SIL1: variants seen among roughly 807,000 people sequenced by gnomAD.
The protein encoded by SIL1 is SIL1 nucleotide exchange factor, also known as nucleotide exchange factor SIL1.
A neutral mutation model predicts 49.1 loss-of-function variants in SIL1; 40 were observed. The ratio of observed to expected loss-of-function variants is 0.81; its 90% CI spans 0.63 to 1.06. SIL1 has a LOEUF of 1.06. Ranked by LOEUF, SIL1 falls within the 50% of genes least tolerant of loss-of-function variation. SIL1 has a pLI of 0.00. For missense variants in SIL1, 500 were observed against 572.6 expected, an observed-to-expected ratio of 0.87 and a Z score of 1.29; for synonymous variants, 253 against 250.8, an observed-to-expected ratio of 1.01 and a Z score of -0.08.
intron 3 of SIL1, among the ~76,000 whole-genome samples, chr5:139,070,696 T>C (rs527741752): frequency 2.0e-5 from 3 of 152,052 alleles, no homozygotes; most frequent in African/African-American, 4.8e-5. Context: ...ATAATTACAA[T>C]GAATTAAAGC....
At chr5:139,112,863 A>G (rs1397829175) in intron 3 of SIL1, among the ~76,000 whole-genome samples, 4 of 152,114 alleles carry the variant, frequency 2.6e-5, no homozygotes, top group Non-Finnish European at 5.9e-5. Context: ...GAAAAGGGGG[A>G]AATGTGGGGA....
chr5:139,191,464 G>T (rs1252868014), intron 1 of SIL1, among the ~76,000 whole-genome samples: 1 of 151,992 alleles, frequency 6.6e-6, no homozygotes, highest in Non-Finnish European at 1.5e-5. Context: ...ATCCCCAGAG[G>T]TAAAGAAATG....
intron 3 of SIL1, among the ~76,000 whole-genome samples, chr5:139,110,288 C>T (rs112148950): frequency 4.6e-5 from 7 of 151,882 alleles, no homozygotes; most frequent in African/African-American, 1.7e-4. Flanking sequence ...GAGCAGGGGT[C>T]GTTTCTTTTT....
chr5:138,954,918 C>T (rs13180851), intron 7 of SIL1, among the ~76,000 whole-genome samples: 3 of 152,122 alleles, frequency 2.0e-5, no homozygotes, highest in Admixed American at 2.0e-4. Flanking sequence ...AAATGCCACA[C>T]TGCTAGCCAA....
intron 1 of SIL1, among the ~76,000 whole-genome samples, chr5:139,176,288 C>T (rs1302703956): frequency 6.6e-6 from 1 of 152,180 alleles, no homozygotes; most frequent in African/African-American, 2.4e-5. Context: ...ATCAAGACCA[C>T]TTAGATAATC....
intron 1 of SIL1, among the ~76,000 whole-genome samples, chr5:139,173,328 T>C (rs963644014): frequency 6.6e-6 from 1 of 152,186 alleles, no homozygotes; most frequent in South Asian, 2.1e-4. Flanking sequence ...GGCAGGCAGA[T>C]CACTTGAGGT....
intron 3 of SIL1, among the ~76,000 whole-genome samples, chr5:139,070,629 T>G (rs938593254): frequency 1.3e-5 from 2 of 152,118 alleles, no homozygotes; most frequent in African/African-American, 4.8e-5. Context: ...TGAAAAGAAC[T>G]CATTTGAAAA....
At chr5:138,983,198 C>CAAA (rs33926268) in intron 7 of SIL1, among the ~76,000 whole-genome samples, 3 of 28,118 alleles carry the variant, frequency 1.1e-4, no homozygotes, top group Non-Finnish European at 1.7e-4. Flanking sequence ...GACACTGTCT[C>CAAA]AAAAAAAAAA....
intron 3 of SIL1, among the ~76,000 whole-genome samples, chr5:139,058,872 C>G (rs550597600): frequency 9.2e-5 from 14 of 151,546 alleles, no homozygotes; most frequent in African/African-American, 3.4e-4. Context: ...AATTGGAGAA[C>G]AGTGTTTAGA....
At chr5:138,952,072 C>T (rs2150378220) in intron 7 of SIL1, among the ~76,000 whole-genome samples, 188 bp from the exon 8 acceptor site, 1 of 152,364 alleles carries the variant, frequency 6.6e-6, no homozygotes, top group East Asian at 1.9e-4. Flanking sequence ...AACAGCGGCC[C>T]ACAGCACAGG....
At chr5:139,112,840 G>A (rs1770898555) in intron 3 of SIL1, among the ~76,000 whole-genome samples, 2 of 152,188 alleles carry the variant, frequency 1.3e-5, no homozygotes, top group African/African-American at 2.4e-5. Context: ...GACAATGGCA[G>A]TTTTGTGGAA....
At chr5:139,060,869 A>T (rs1769570689) in intron 3 of SIL1, among the ~76,000 whole-genome samples, 2 of 152,170 alleles carry the variant, frequency 1.3e-5, no homozygotes, top group African/African-American at 2.4e-5. Context: ...TTAGCCTAGG[A>T]AGCCTGAGGC....
At chr5:139,175,788 A>C (rs4835716) in intron 1 of SIL1, among the ~76,000 whole-genome samples, 130,516 of 152,166 alleles carry the variant, frequency 0.86, 56,452 homozygotes, top group East Asian at 1. Context: ...CATGGTGAAA[A>C]CCCGTCTCTA....
At chr5:138,972,376 A>G (rs2150393130) in intron 7 of SIL1, among the ~76,000 whole-genome samples, 1 of 152,316 alleles carries the variant, frequency 6.6e-6, no homozygotes, top group Admixed American at 6.5e-5. Context: ...TCACAGCCAC[A>G]TTTGAAGGTC....
rs149172060 is a variant in SIL1, at chr5:139,120,695, G to A, written c.244+340C>T. ...CAATATTTCAGCAGCACTGAGCCGAGCAGCAGAGCCCAAAATAGCATTTGC... is the reference window on the plus strand; with the variant it reads ...CAATATTTCAGCAGCACTGAGCCGAACAGCAGAGCCCAAAATAGCATTTGC... On this transcript the variant is annotated intron_variant, in intron 3 of 9. Coordinates refer to ENST00000394817, the MANE Select transcript of SIL1 (RefSeq NM_022464.5). Among the ~76,000 whole-genome samples, 179 of 152,340 alleles carry A rather than the reference G, an allele frequency of 1.2e-3. 1 individual carries two copies. The highest frequency in any genetic ancestry group is 3.8e-3 in the African/African-American group (157 of 41,572).
intron 3 of SIL1, among the ~76,000 whole-genome samples, chr5:139,056,053 T>C (rs1769411567): frequency 6.6e-6 from 1 of 151,676 alleles, no homozygotes; most frequent in African/African-American, 2.4e-5. Flanking sequence ...TGCCTTGGCC[T>C]CCCAAAGTGC....
rs1752073586 is a variant in SIL1 at position 139,186,123 on chromosome 5, G to C, written c.-11+12146C>G. On this transcript the variant is annotated intron_variant, in intron 1 of 9. Coordinates refer to ENST00000394817, the MANE Select transcript of SIL1 (RefSeq NM_022464.5). ...AACAACTATCAAACCTGCCTCAGTG[G>C]AAGCTGAGCAAAAGGGCAAAAAGTG... Among the ~76,000 whole-genome samples, 3 of 152,132 alleles carry C rather than the reference G, an allele frequency of 2.0e-5. No individual in the cohort carries two copies. In the South Asian group the frequency reaches 6.2e-4, roughly 32 times the overall value.
At chr5:138,951,617 C>T (rs1303100867) in intron 8 of SIL1, among the ~76,000 whole-genome samples, 171 bp downstream of exon 8, 1 of 152,234 alleles carries the variant, frequency 6.6e-6, no homozygotes. Context: ...CCTCTAGTCA[C>T]CTCGGCACAC....
chr5:139,163,125 A>AAGGC (rs916330181), intron 1 of SIL1, among the ~76,000 whole-genome samples: 1 of 151,916 alleles, frequency 6.6e-6, no homozygotes, highest in African/African-American at 2.4e-5. Flanking sequence ...GCTGCCAAGG[A>AAGGC]AGGCAGGCAG....
Sources: allele counts gnomAD v4.1 joint callset (sites outside exome capture counted in the v4.1 genomes callset), GRCh38; gene constraint gnomAD v4.1.1; transcripts MANE v1.5; gene names NCBI Gene and HGNC (gene_info 2026-07-23, HGNC 2026-07-21).